The following BABAM2 variants were observed in gnomAD, a reference collection of about 807,000 sequenced individuals.
BABAM2 encodes BRISC and BRCA1-A complex member 2.
A neutral mutation model predicts 54.7 loss-of-function variants in BABAM2; 31 were observed. The ratio of observed to expected loss-of-function variants is 0.57; its 90% confidence interval spans 0.43 to 0.77. The LOEUF (loss-of-function observed/expected upper bound fraction) is 0.77. BABAM2 is among the 30% of genes least tolerant of loss of function. The pLI is 0.00. For synonymous variants in BABAM2, 167 were observed against 162.9 expected, an observed-to-expected ratio of 1.03 and a Z score of -0.19; for missense variants, 364 against 455.8, an observed-to-expected ratio of 0.80 and a Z score of 1.83.
intron 6 of BABAM2, among the ~76,000 whole-genome samples, chr2:28,096,738 C>T (rs1417429019): frequency 6.6e-6 from 1 of 151,790 alleles, no homozygotes; most frequent in Non-Finnish European, 1.5e-5. Flanking sequence ...CACTCCCTTC[C>T]TTCTTCCCTT....
At position 28,115,377 on chromosome 2, in the gene BABAM2, T is replaced by A. The variant is rs961007296; in HGVS notation, c.571-13894T>A. Among the ~76,000 whole-genome samples, 62 of 152,006 alleles carry A rather than the reference T, an allele frequency of 4.1e-4. 1 individual carries two copies. Among genetic ancestry groups the A allele is most frequent in the Non-Finnish European group, 1.2e-4 (8 of 67,974 alleles). On this transcript the variant is annotated intron_variant, in intron 6 of 11. Coordinates refer to ENST00000379624, the MANE Select transcript of BABAM2 (RefSeq NM_199191.3). ...AAAAGAGTAGGTTCACTATAATCCC[T>A]GCACTTTGGGAGGCCAAGGCGGGCG...
chr2:28,333,702 T>C (rs571870447), intron 11 of BABAM2, among the ~76,000 whole-genome samples: 1 of 152,316 alleles, frequency 6.6e-6, no homozygotes, highest in African/African-American at 2.4e-5. Context: ...CATCTAAAAA[T>C]AGATTCCCTT....
intron 7 of BABAM2, among the ~76,000 whole-genome samples, chr2:28,174,726 G>A (rs1322615714): frequency 6.6e-6 from 1 of 152,188 alleles, no homozygotes; most frequent in South Asian, 2.1e-4. Flanking sequence ...GTCCAAGGAG[G>A]GAACTCACAC....
intron 2 of BABAM2, among the ~76,000 whole-genome samples, chr2:27,909,203 C>T (rs1666403632): frequency 6.6e-6 from 1 of 151,902 alleles, no homozygotes; most frequent in Admixed American, 6.6e-5. Flanking sequence ...TGCCACCATA[C>T]CTGGGTGATT....
intron 10 of BABAM2, among the ~76,000 whole-genome samples, chr2:28,275,786 C>T (rs1490360283): frequency 1.3e-5 from 2 of 152,290 alleles, no homozygotes; most frequent in East Asian, 3.9e-4. Flanking sequence ...ACAGCTTACG[C>T]ATGGGCTCAC....
At chr2:28,096,235 T>C (rs1429155900) in intron 6 of BABAM2, among the ~76,000 whole-genome samples, 1 of 152,162 alleles carries the variant, frequency 6.6e-6, no homozygotes, top group Admixed American at 6.5e-5. Context: ...AAAGTTTGAA[T>C]GGCTGACATC....
chr2:28,327,842 T>G (rs1690609365), intron 11 of BABAM2, among the ~76,000 whole-genome samples: 1 of 152,172 alleles, frequency 6.6e-6, no homozygotes. Flanking sequence ...TTCCTTGTTT[T>G]GCAAGCTTAG....
intron 7 of BABAM2, among the ~76,000 whole-genome samples, chr2:28,212,865 C>T (rs1679597622): frequency 6.7e-6 from 1 of 150,350 alleles, no homozygotes; most frequent in Admixed American, 6.7e-5. Flanking sequence ...GAGGGTAATT[C>T]TTAGATCTTT....
chr2:28,333,353 C>T (rs1691130322), intron 11 of BABAM2, among the ~76,000 whole-genome samples: 1 of 152,178 alleles, frequency 6.6e-6, no homozygotes, highest in Non-Finnish European at 1.5e-5. Flanking sequence ...TTCTACAGCC[C>T]ACCGGCCTTA....
intron 3 of BABAM2, among the ~76,000 whole-genome samples, chr2:27,959,064 A>G (rs560092710): frequency 1.8e-4 from 28 of 152,226 alleles, no homozygotes; most frequent in Non-Finnish European, 4.1e-4. Context: ...AGTTCTAACT[A>G]TGAAGCTTTA....
chr2:28,172,923 A>G (rs531716038), intron 7 of BABAM2, among the ~76,000 whole-genome samples: 1 of 152,278 alleles, frequency 6.6e-6, no homozygotes, highest in African/African-American at 2.4e-5. Flanking sequence ...GAAATCCAAA[A>G]TCACTGTGCC....
chr2:28,034,524 G>A (rs2148587998), intron 5 of BABAM2, among the ~76,000 whole-genome samples: 1 of 152,244 alleles, frequency 6.6e-6, no homozygotes, highest in Admixed American at 6.5e-5. Flanking sequence ...CTCTCAAAAT[G>A]CTGTTAATCA....
chr2:27,956,028 TAA>T (rs1241062398), intron 3 of BABAM2, among the ~76,000 whole-genome samples: 2 of 152,040 alleles, frequency 1.3e-5, no homozygotes, highest in Non-Finnish European at 2.9e-5. Context: ...CCAGTTCACC[TAA>T]GAGAGGAACC....
At chr2:28,310,142 C>G (rs772037684) in intron 11 of BABAM2, 23 of 1,614,054 alleles carry the variant, frequency 1.4e-5, no homozygotes, top group Non-Finnish European at 1.9e-5. Context: ...GCATCCTCTC[C>G]AAATTGCATA....
At chr2:27,908,376 A>G (rs10190494) in intron 2 of BABAM2, among the ~76,000 whole-genome samples, 99,243 of 151,598 alleles carry the variant, frequency 0.65, 34,096 homozygotes, top group Middle Eastern at 0.8. Context: ...GGCTCAAGCA[A>G]TCCTCTCACA....
Position 28,322,449 on chromosome 2 carries a change from T to G in BABAM2, c.1089-16001T>G, listed in dbSNP as rs988893019. 1.3e-5 allele frequency among the ~76,000 whole-genome samples: 2 copies of G among 152,252 alleles called. No homozygotes were observed. The highest frequency in any genetic ancestry group is 2.9e-5 in the Non-Finnish European group (2 of 68,032). Reference sequence around the variant, plus strand: ...TCCAGTTCGGGAGAGAGAAGAACCCTGTAACTCTTAGAGGCGCCTTTGAGC... The same window carrying G: ...TCCAGTTCGGGAGAGAGAAGAACCCGGTAACTCTTAGAGGCGCCTTTGAGC... On this transcript the variant is annotated intron_variant, in intron 11 of 11. Transcript: ENST00000379624. This position sits in a 1 kb window ranked among gnomAD's most constrained non-coding sequence, Gnocchi z 4.1.
intron 2 of BABAM2, among the ~76,000 whole-genome samples, chr2:27,924,524 A>G (rs1461912207): frequency 2.0e-5 from 3 of 151,980 alleles, no homozygotes; most frequent in African/African-American, 7.3e-5. Context: ...AGCTGGGACT[A>G]CAGGCATGCA....
intron 7 of BABAM2, among the ~76,000 whole-genome samples, chr2:28,221,330 T>C (rs147862724): frequency 9.5e-4 from 144 of 152,300 alleles, no homozygotes; most frequent in African/African-American, 3.3e-3. Flanking sequence ...GGGCCTCAAG[T>C]CTTAGCCTCA....
chr2:28,303,109 G>A (rs535365781), intron 11 of BABAM2, among the ~76,000 whole-genome samples: 39 of 151,918 alleles, frequency 2.6e-4, no homozygotes, highest in Non-Finnish European at 4.9e-4. Context: ...TGATCCTCCC[G>A]CCGCAGCCTC....
Sources: allele counts gnomAD v4.1 joint callset (sites outside exome capture counted in the v4.1 genomes callset), GRCh38; gene constraint gnomAD v4.1.1; non-coding constraint Gnocchi (gnomAD v3.1); transcripts MANE v1.5; gene names NCBI Gene and HGNC (gene_info 2026-07-23, HGNC 2026-07-21).